TTC7A: variants seen among roughly 807,000 people sequenced by gnomAD.
The protein encoded by TTC7A is tetratricopeptide repeat protein 7A.
A neutral mutation model predicts 103.7 loss-of-function variants in TTC7A; 110 were observed. The observed-to-expected ratio is 1.06, with a 90% confidence interval of 0.91 to 1.24. The LOEUF is 1.24. Ranked by LOEUF, TTC7A falls within the 50% of genes most tolerant of loss-of-function variation. The pLI is 0.00. For missense variants in TTC7A, 1,340 were observed against 1,116.3 expected, an observed-to-expected ratio of 1.20 and a Z score of -2.86; for synonymous variants, 521 against 467.9, an observed-to-expected ratio of 1.11 and a Z score of -1.47.
chr2:47,048,889 C>G (rs1160369389), intron 16 of TTC7A, among the ~76,000 whole-genome samples: 1 of 152,208 alleles, frequency 6.6e-6, no homozygotes, highest in Non-Finnish European at 1.5e-5. Flanking sequence ...GGGCATGAGC[C>G]TCCATGCCTG....
chr2:46,973,569 A>G (rs1349644820), intron 3 of TTC7A, among the ~76,000 whole-genome samples: 1 of 152,214 alleles, frequency 6.6e-6, no homozygotes, highest in African/African-American at 2.4e-5. Flanking sequence ...ACAAAGTCAT[A>G]CATTCACACA....
intron 4 of TTC7A, 129 bp from the exon 5 acceptor site, chr2:46,978,663 G>C: frequency 1.5e-6 from 1 of 647,666 alleles, no homozygotes; most frequent in Non-Finnish European, 2.7e-6. Context: ...ATCAAGCCTG[G>C]TCTGAGAATG....
At chr2:46,994,024 C>G (rs1438398037) in intron 6 of TTC7A, among the ~76,000 whole-genome samples, 1 of 152,186 alleles carries the variant, frequency 6.6e-6, no homozygotes, top group African/African-American at 2.4e-5. Context: ...GCATTATGCT[C>G]TTCCCAATAC....
chr2:46,990,605 C>G (rs1277156884), intron 5 of TTC7A, among the ~76,000 whole-genome samples: 1 of 152,144 alleles, frequency 6.6e-6, no homozygotes, highest in African/African-American at 2.4e-5. Flanking sequence ...TTTAATGAAC[C>G]TCTGCTACAT....
intron 18 of TTC7A, among the ~76,000 whole-genome samples, chr2:47,059,746 G>C (rs1468295962): frequency 6.6e-6 from 1 of 152,152 alleles, no homozygotes; most frequent in Non-Finnish European, 1.5e-5. Context: ...CCCACGCGAG[G>C]TTCTGAAGTC....
At chr2:46,921,570 A>G (rs1277955110) in intron 2 of TTC7A, among the ~76,000 whole-genome samples, 1 of 152,242 alleles carries the variant, frequency 6.6e-6, no homozygotes, top group Non-Finnish European at 1.5e-5. Flanking sequence ...GACAATAGTT[A>G]TCTTCATGCA....
Position 46,956,911 on chromosome 2 carries a change from A to G in TTC7A, c.421A>G (p.Ile141Val), listed in dbSNP as rs775098787. 10 of 1,614,106 alleles carry G rather than the reference A, an allele frequency of 6.2e-6. No individual in the cohort carries two copies. In the Admixed American group the frequency reaches 1.0e-4, roughly 16 times the overall value. ...HYVEGSYRDA[I>V]SMYARAGIDD... is the part of the protein sequence containing the mutation. Reference sequence around the variant, plus strand: ...CGTGGAGGGCTCATACCGAGATGCCATCAGCATGTACGCACGGGCCGGGAT... The same window carrying G: ...CGTGGAGGGCTCATACCGAGATGCCGTCAGCATGTACGCACGGGCCGGGAT... Residue 141 changes from isoleucine to valine, a missense_variant, in exon 3 of 20, where the codon ATC becomes GTC. Ile to Val is a conservative substitution (Grantham distance 29). Transcript: ENST00000319190.
At chr2:47,054,241 T>G in intron 18 of TTC7A, 1 of 866,188 alleles carries the variant, frequency 1.2e-6, no homozygotes, top group Non-Finnish European at 1.4e-6. Flanking sequence ...TGGGTGCTTA[T>G]TTCTTTCTCA....
chr2:46,945,581 G>A (rs1323144354), intron 1 of TTC7A, among the ~76,000 whole-genome samples: 1 of 151,944 alleles, frequency 6.6e-6, no homozygotes, highest in Non-Finnish European at 1.5e-5. Flanking sequence ...TGTAGAGATA[G>A]GATTTCACTA....
chr2:47,022,970 C>G (rs1679460588), intron 12 of TTC7A, among the ~76,000 whole-genome samples: 2 of 152,316 alleles, frequency 1.3e-5, no homozygotes, highest in South Asian at 4.2e-4. Flanking sequence ...AGTGTGCAGC[C>G]AAGGCTAAGA....
Position 46,994,380 on chromosome 2 carries a change from G to C in TTC7A, c.867G>C (p.Gly289=). 6.2e-7 allele frequency: 1 copy of C among 1,613,402 alleles called. No homozygotes were observed. Among genetic ancestry groups the C allele is most frequent in the Non-Finnish European group, 8.5e-7 (1 of 1,179,626 alleles). ...AGATGGCGGCCAAGCACCTGGCGGG[G>C]GTCCTGCTGCACTCCCTGAGTGAGG... is the stretch of plus-strand genomic sequence containing the variant. ...FKVMAAKHLA[G]VLLHSLSEEC... is the part of the protein sequence containing the mutation. The change falls in exon 7 of 20, where the codon GGG becomes GGC. Residue 289 remains glycine, a synonymous_variant. Coordinates refer to ENST00000319190, the MANE Select transcript of TTC7A (RefSeq NM_020458.4).
rs117824643 is a variant in TTC7A at position 46,956,498 on chromosome 2, T to G, written c.349-341T>G. ...TGTGTTTAGAATAAATGCCTGAGCT[T>G]CTGAGTGCCCCCTGGGGCTGCAGTC... On this transcript the variant is annotated intron_variant, in intron 2 of 19. Transcript: ENST00000319190. 241 of 265,338 alleles carry G rather than the reference T, an allele frequency of 9.1e-4. 1 individual carries two copies. In the East Asian group the frequency reaches 0.014, roughly 15 times the overall value. 16.4% of individuals were successfully genotyped at this position (265,338 alleles called of 1,614,324 possible).
intron 8 of TTC7A, among the ~76,000 whole-genome samples, chr2:47,000,110 G>A (rs925046509): frequency 1.3e-5 from 2 of 152,192 alleles, no homozygotes; most frequent in African/African-American, 4.8e-5. Context: ...AAATGAATGT[G>A]AAGTGCCTGG....
At chr2:46,953,722 T>C (rs1325800141) in intron 2 of TTC7A, among the ~76,000 whole-genome samples, 1 of 152,154 alleles carries the variant, frequency 6.6e-6, no homozygotes, top group Non-Finnish European at 1.5e-5. Flanking sequence ...TCTGTTCTGC[T>C]ACTAGGTTGA....
intron 11 of TTC7A, among the ~76,000 whole-genome samples, chr2:47,015,440 G>T (rs1364860073): frequency 3.9e-5 from 6 of 152,210 alleles, no homozygotes; most frequent in African/African-American, 9.7e-5. Flanking sequence ...GAGGAGGGCA[G>T]CAGGGGGTAG....
intron 3 of TTC7A, among the ~76,000 whole-genome samples, chr2:46,965,930 T>G (rs1377719337): frequency 6.6e-6 from 1 of 151,898 alleles, no homozygotes; most frequent in African/African-American, 2.4e-5. Flanking sequence ...TGAGCATCAC[T>G]TGAAAATATT....
At chr2:47,019,598 T>C (rs1386711322) in intron 11 of TTC7A, among the ~76,000 whole-genome samples, 1 of 152,150 alleles carries the variant, frequency 6.6e-6, no homozygotes, top group Non-Finnish European at 1.5e-5. Flanking sequence ...GTCTTCACTT[T>C]ATAAAGCTAA....
At chr2:46,993,594 C>G in intron 6 of TTC7A, 66 bp downstream of exon 6, 1 of 1,483,022 alleles carries the variant, frequency 6.7e-7, no homozygotes, top group Non-Finnish European at 9.4e-7. Context: ...CAACAGAAGT[C>G]CTTGCAGGGA....
intron 5 of TTC7A, among the ~76,000 whole-genome samples, chr2:46,985,580 A>G (rs1022776349): frequency 6.6e-6 from 1 of 152,242 alleles, no homozygotes; most frequent in Non-Finnish European, 1.5e-5. Context: ...TGATGCAGGA[A>G]CTAATACAAT....
Sources: allele counts gnomAD v4.1 joint callset (sites outside exome capture counted in the v4.1 genomes callset), GRCh38; gene constraint gnomAD v4.1.1; transcripts MANE v1.5; gene names NCBI Gene and HGNC (gene_info 2026-07-23, HGNC 2026-07-21).